Variants in R3HCC1L observed in about 807,000 individuals in gnomAD.
R3HCC1L encodes R3H domain and coiled-coil containing 1 like, also known as coiled-coil domain-containing protein R3HCC1L.
R3HCC1L carries 51 observed loss-of-function variants against 59.9 expected under a neutral mutation model. That is an observed-to-expected ratio of 0.85 (90% CI 0.68 to 1.07). The LOEUF is 1.07. Among genes scored for constraint, R3HCC1L ranks in the 50% least tolerant of loss-of-function variants. The pLI is 0.00. For synonymous variants in R3HCC1L, 322 were observed against 315.2 expected (o/e 1.02, Z -0.23); for missense variants, 965 against 933.0 (o/e 1.03, Z -0.45).
intron 4 of R3HCC1L, among the ~76,000 whole-genome samples, chr10:98,207,813 A>C (rs1253627917): frequency 6.6e-6 from 1 of 152,138 alleles, no homozygotes; most frequent in Non-Finnish European, 1.5e-5. Context: ...GCTTGAGACC[A>C]GCCTAGGCAA....
chr10:98,145,374 C>G (rs918416225), intron 1 of R3HCC1L, among the ~76,000 whole-genome samples: 1 of 152,114 alleles, frequency 6.6e-6, no homozygotes, highest in Non-Finnish European at 1.5e-5. Flanking sequence ...AAATTTTGAG[C>G]CTGACATATG....
At chr10:98,227,514 A>G (rs981758410) in intron 5 of R3HCC1L, among the ~76,000 whole-genome samples, 2 of 151,720 alleles carry the variant, frequency 1.3e-5, no homozygotes, top group African/African-American at 2.4e-5. Flanking sequence ...ATTAACAGAG[A>G]GAGAGAGAGA....
At chr10:98,221,628 A>C (rs1191976747) in intron 5 of R3HCC1L, among the ~76,000 whole-genome samples, 1 of 151,604 alleles carries the variant, frequency 6.6e-6, no homozygotes, top group Non-Finnish European at 1.5e-5. Context: ...CCATTTATTA[A>C]ATAGGGAATC....
intron 4 of R3HCC1L, among the ~76,000 whole-genome samples, chr10:98,206,275 T>C (rs550689007): frequency 9.1e-4 from 139 of 151,972 alleles, no homozygotes; most frequent in Non-Finnish European, 1.7e-3. Flanking sequence ...TTTAGATCTT[T>C]CTTTATGCAA....
chr10:98,235,296 T>G, intron 7 of R3HCC1L, 129 bp from the exon 8 acceptor site: 1 of 763,020 alleles, frequency 1.3e-6, no homozygotes, highest in East Asian at 2.9e-5. Context: ...ACGTTGATCT[T>G]TAGATCTGTC....
chr10:98,203,120 CTG>C (rs1357696135), intron 4 of R3HCC1L, among the ~76,000 whole-genome samples: 2 of 152,138 alleles, frequency 1.3e-5, no homozygotes, highest in African/African-American at 4.8e-5. Context: ...ACTTTGATAA[CTG>C]TATTATGGCT....
chr10:98,233,075 G>T (rs938840592), intron 6 of R3HCC1L, among the ~76,000 whole-genome samples: 5 of 152,108 alleles, frequency 3.3e-5, no homozygotes, highest in Admixed American at 2.0e-4. Flanking sequence ...ATCAGAACCT[G>T]TTCAACATAA....
chr10:98,135,259 C>T (rs907567955), intron 1 of R3HCC1L, among the ~76,000 whole-genome samples: 2 of 152,190 alleles, frequency 1.3e-5, no homozygotes, highest in Non-Finnish European at 2.9e-5. Flanking sequence ...GTGAGTGCAG[C>T]CCCCTCTCAG....
At chr10:98,151,187 G>T (rs1359824147) in intron 1 of R3HCC1L, among the ~76,000 whole-genome samples, 1 of 152,146 alleles carries the variant, frequency 6.6e-6, no homozygotes, top group African/African-American at 2.4e-5. Context: ...GTTGAGTGAA[G>T]CCAGCTTGCT....
intron 4 of R3HCC1L, among the ~76,000 whole-genome samples, chr10:98,193,967 G>A (rs1851132925): frequency 6.6e-6 from 1 of 152,018 alleles, no homozygotes; most frequent in East Asian, 1.9e-4. Flanking sequence ...GTTTTTTGCA[G>A]AAACAGATAA....
intron 5 of R3HCC1L, among the ~76,000 whole-genome samples, chr10:98,219,959 A>G (rs974862436): frequency 2.0e-5 from 3 of 152,170 alleles, no homozygotes; most frequent in Non-Finnish European, 4.4e-5. Context: ...CTGTTACTTC[A>G]TTAAATAGGT....
chr10:98,146,225 C>T (rs949545132), intron 1 of R3HCC1L, among the ~76,000 whole-genome samples: 2 of 152,074 alleles, frequency 1.3e-5, no homozygotes, highest in Admixed American at 1.3e-4. Flanking sequence ...CTATACAATT[C>T]ACCCATTTTT....
At position 98,169,884 on chromosome 10, in the gene R3HCC1L, C is replaced by CTT. The variant is rs1195433216; in HGVS notation, c.-15+6505_-15+6506dup. Among the ~76,000 whole-genome samples the CTT allele has an allele frequency of 1.0e-3, 131 of 128,362 alleles. 1 individual carries two copies. The highest frequency in any genetic ancestry group is 8.6e-3 in the Middle Eastern group (2 of 232). The allele number at this position is 128,362 out of a possible 152,430, so 84.2% of individuals were successfully genotyped here. A position where few individuals can be genotyped will look rare whatever the true frequency, so the allele number is the denominator to read the frequency against. ...TTCCTTATTACTCACCTAACACAAC[C>CTT]TTTTTTTTTTTTTTTTTTTGGAGTG... On this transcript the variant is annotated intron_variant, in intron 4 of 9. Transcript: ENST00000298999.
At chr10:98,238,454 T>C (rs921783234) in intron 9 of R3HCC1L, among the ~76,000 whole-genome samples, 3 of 152,194 alleles carry the variant, frequency 2.0e-5, no homozygotes, top group African/African-American at 7.2e-5. Context: ...GTTCTGAAGA[T>C]TTTAAGATTA....
At chr10:98,235,399 C>T (rs754813981) in intron 7 of R3HCC1L, 26 bp from the exon 8 acceptor site, 2 of 1,589,440 alleles carry the variant, frequency 1.3e-6, no homozygotes, top group Admixed American at 3.3e-5. Context: ...TTCATGTCTT[C>T]TGCTTCCTTT....
intron 4 of R3HCC1L, among the ~76,000 whole-genome samples, chr10:98,191,966 A>G (rs778293172): frequency 6.6e-6 from 1 of 152,150 alleles, no homozygotes; most frequent in Non-Finnish European, 1.5e-5. Flanking sequence ...CTGGGATTAC[A>G]GGCACCCGCC....
chr10:98,243,123 A>G (rs2135792671), intron 9 of R3HCC1L, among the ~76,000 whole-genome samples: 1 of 152,366 alleles, frequency 6.6e-6, no homozygotes, highest in East Asian at 1.9e-4. Context: ...AATACAGTAT[A>G]GGAATGTTGT....
rs1249211055 is a variant in R3HCC1L, at chr10:98,235,466, C to G, written c.2074C>G (p.Arg692Gly). The stretch of plus-strand genomic sequence containing the variant: ...TATTAAACACACCATGGTGAAGATT[C>G]GTCCCTTGTCACAGGCCACAAGAGC... The part of the protein sequence containing the change: ...LGIKHTMVKI[R>G]PLSQATRAAK... The change falls in exon 8 of 10, where the codon CGT becomes GGT. Residue 692 changes from arginine (R) to glycine (G), a missense_variant. By Grantham distance (125) the Arg-to-Gly change is moderately radical (BLOSUM62 -2). Transcript: ENST00000298999. 6.2e-7 allele frequency: 1 copy of G among 1,613,716 alleles called. No homozygotes were observed. Among genetic ancestry groups the G allele is most frequent in the Non-Finnish European group, 8.5e-7 (1 of 1,179,796 alleles).
intron 4 of R3HCC1L, among the ~76,000 whole-genome samples, chr10:98,196,661 A>G (rs1476880709): frequency 6.6e-6 from 1 of 152,126 alleles, no homozygotes; most frequent in Non-Finnish European, 1.5e-5. Flanking sequence ...AGATTCTATG[A>G]TTAATCTGAC....
Sources: allele counts gnomAD v4.1 joint callset (sites outside exome capture counted in the v4.1 genomes callset), GRCh38; gene constraint gnomAD v4.1.1; transcripts MANE v1.5; gene names NCBI Gene and HGNC (gene_info 2026-07-23, HGNC 2026-07-21).